Variants in CFAP70 observed in about 807,000 individuals in gnomAD.
The protein encoded by CFAP70 is cilia and flagella associated protein 70, also known as cilia- and flagella-associated protein 70.
A neutral mutation model predicts 137.6 loss-of-function variants in CFAP70; 81 were observed. That is an observed-to-expected ratio of 0.59 (90% CI 0.49 to 0.71). The LOEUF is 0.71. CFAP70 is among the 30% of genes least tolerant of loss of function. The pLI is 0.00. For synonymous variants in CFAP70, 382 were observed against 423.6 expected, an observed-to-expected ratio of 0.90 and a Z score of 1.20; for missense variants, 976 against 1,226.7, an observed-to-expected ratio of 0.80 and a Z score of 3.05.
intron 23 of CFAP70, among the ~76,000 whole-genome samples, chr10:73,274,108 C>T (rs1025510087): frequency 6.6e-6 from 1 of 152,130 alleles, no homozygotes; most frequent in Non-Finnish European, 1.5e-5. Flanking sequence ...CTTTTGAAGC[C>T]CATGATACCT....
At chr10:73,347,175 G>A (rs926132483) in intron 4 of CFAP70, 3 of 152,198 alleles carry the variant, frequency 2.0e-5, no homozygotes, top group Non-Finnish European at 4.4e-5. Context: ...TGGGAGATGA[G>A]GTTGAAGGGG....
intron 16 of CFAP70, 33 bp from the exon 18 acceptor site, chr10:73,292,047 A>ACTATGTCC (rs765791823): frequency 6.2e-7 from 1 of 1,610,612 alleles, no homozygotes; most frequent in Admixed American, 1.7e-5. Flanking sequence ...TTATTGTGAT[A>ACTATGTCC]CTATGTCCTA....
At chr10:73,298,836 A>G in intron 14 of CFAP70, 71 bp downstream of exon 15, 1 of 1,384,178 alleles carries the variant, frequency 7.2e-7, no homozygotes, top group Non-Finnish European at 1.0e-6. Context: ...AGAGGAGAAA[A>G]TGTGATGTGG....
At chr10:73,358,442 G>A (rs1023516510) in intron 1 of CFAP70, among the ~76,000 whole-genome samples, 10 of 152,252 alleles carry the variant, frequency 6.6e-5, no homozygotes, top group Non-Finnish European at 1.5e-4. Flanking sequence ...CTGGTCTGGG[G>A]ACAAGCGCAG....
chr10:73,268,381 A>G (rs997124550), intron 25 of CFAP70, among the ~76,000 whole-genome samples: 1 of 152,148 alleles, frequency 6.6e-6, no homozygotes, highest in Non-Finnish European at 1.5e-5. Context: ...CTGGTTTTGC[A>G]TGTGGTCAAC....
chr10:73,315,241 TTTA>T (rs1480757633), intron 9 of CFAP70, among the ~76,000 whole-genome samples: 1 of 150,724 alleles, frequency 6.6e-6, no homozygotes, highest in African/African-American at 2.4e-5. Flanking sequence ...AAAAAACAGC[TTTA>T]TTGAGATATT....
chr10:73,358,542 G>A (rs1384643895), intron 1 of CFAP70, among the ~76,000 whole-genome samples: 2 of 152,240 alleles, frequency 1.3e-5, no homozygotes, highest in Admixed American at 1.3e-4. Flanking sequence ...TGGGGTTGGC[G>A]GCAGAGTCCG....
chr10:73,297,130 G>T (rs201985907), exon 15 of CFAP70: 2 of 1,613,798 alleles, frequency 1.2e-6, no homozygotes, highest in Admixed American at 1.7e-5. Flanking sequence ...TTCAAATGAT[G>T]TTGTCTTCAA....
intron 6 of CFAP70, among the ~76,000 whole-genome samples, chr10:73,339,302 T>C (rs2053017020): frequency 6.6e-6 from 1 of 151,512 alleles, no homozygotes. Flanking sequence ...AAACCTTTTC[T>C]TTACTTTTCT....
At chr10:73,292,878 C>T (rs186567965) in intron 16 of CFAP70, among the ~76,000 whole-genome samples, 3 of 152,146 alleles carry the variant, frequency 2.0e-5, no homozygotes, top group African/African-American at 4.8e-5. Context: ...GATCATGCTT[C>T]GGTGTCACGT....
chr10:73,267,105 G>A (rs2045851334), intron 25 of CFAP70, among the ~76,000 whole-genome samples: 3 of 152,024 alleles, frequency 2.0e-5, no homozygotes, highest in Admixed American at 6.6e-5. Flanking sequence ...GTTATGTACT[G>A]AAGTATAACA....
chr10:73,271,371 G>A (rs1228710728), intron 24 of CFAP70, among the ~76,000 whole-genome samples: 1 of 152,122 alleles, frequency 6.6e-6, no homozygotes, highest in African/African-American at 2.4e-5. Context: ...AATTAGCTGG[G>A]TGTGGTGGCA....
At chr10:73,345,147 G>A (rs2053601795) in intron 4 of CFAP70, 1 of 1,614,074 alleles carries the variant, frequency 6.2e-7, no homozygotes, top group Admixed American at 1.7e-5. Flanking sequence ...CACAGAGTAA[G>A]CAGCCTCCAA....
At chr10:73,288,338 CA>C (rs898795552) in intron 19 of CFAP70, among the ~76,000 whole-genome samples, 2 of 151,842 alleles carry the variant, frequency 1.3e-5, no homozygotes, top group African/African-American at 4.8e-5. Context: ...TATAAAAGAA[CA>C]AAAAAATACA....
chr10:73,256,433 A>C lies in CFAP70; in HGVS notation c.3028-17T>G. Reference sequence around the variant, plus strand: ...CCGTCCAACCTGAAAAAAGTGCAGCAGTTGGTGATGATGACAGGTCATAAA... The same window carrying C: ...CCGTCCAACCTGAAAAAAGTGCAGCCGTTGGTGATGATGACAGGTCATAAA... On this transcript the variant is annotated splice_polypyrimidine_tract_variant and intron_variant, in intron 25 of 26. Coordinates refer to ENST00000310715, the Ensembl canonical transcript of CFAP70. 1 of 1,614,088 alleles carries C rather than the reference A, an allele frequency of 6.2e-7. No individual in the cohort carries two copies. The highest frequency in any genetic ancestry group is 8.5e-7 in the Non-Finnish European group (1 of 1,179,982).
intron 19 of CFAP70, among the ~76,000 whole-genome samples, chr10:73,281,348 AT>A (rs770634015): frequency 6.1e-3 from 859 of 139,724 alleles, no homozygotes; most frequent in Non-Finnish European, 6.7e-3. Flanking sequence ...ACACCTGGCT[AT>A]TTTTTTTTTT....
At chr10:73,282,800 T>C (rs2047359745) in intron 19 of CFAP70, among the ~76,000 whole-genome samples, 1 of 151,838 alleles carries the variant, frequency 6.6e-6, no homozygotes, top group Non-Finnish European at 1.5e-5. Context: ...TGATCATTTC[T>C]AAGTGTTTAG....
intron 6 of CFAP70, 137 bp from the exon 8 acceptor site, chr10:73,335,661 G>A: frequency 4.2e-6 from 2 of 474,272 alleles, no homozygotes; most frequent in Non-Finnish European, 7.3e-6. Context: ...GACTACTATT[G>A]CAACTACTAC....
At chr10:73,354,759 A>T in exon 2 of CFAP70, 1 of 1,614,102 alleles carries the variant, frequency 6.2e-7, no homozygotes, top group Non-Finnish European at 8.5e-7. Context: ...TGTCACGGTG[A>T]TCTGCACGAG....
Sources: gnomAD v4.1 joint callset for allele counts (sites outside exome capture counted in the v4.1 genomes callset) on GRCh38, gnomAD v4.1.1 for gene constraint, MANE v1.5 for transcripts, NCBI Gene and HGNC (gene_info 2026-07-23, HGNC 2026-07-21) for gene names.